KAZN: variants seen among roughly 807,000 people sequenced by gnomAD.
KAZN encodes kazrin, periplakin interacting protein.
A neutral mutation model predicts 87.4 loss-of-function variants in KAZN; 40 were observed. The observed-to-expected ratio is 0.46, with a 90% CI of 0.36 to 0.60. KAZN has a LOEUF of 0.60. KAZN is among the 20% of genes least tolerant of loss of function. KAZN has a pLI of 0.00. For synonymous variants in KAZN, 466 were observed against 458.3 expected (o/e 1.02, Z -0.22); for missense variants, 898 against 1,073.9 (o/e 0.84, Z 2.29).
intron 1 of KAZN, among the ~76,000 whole-genome samples, chr1:14,132,734 T>G (rs1247883106): frequency 2.0e-5 from 3 of 152,126 alleles, no homozygotes; most frequent in South Asian, 2.1e-4. Context: ...GAATTAACAA[T>G]ATGTTTCCCC....
intron 2 of KAZN, among the ~76,000 whole-genome samples, chr1:14,524,545 T>A (rs1671766262): frequency 6.6e-6 from 1 of 152,204 alleles, no homozygotes; most frequent in South Asian, 2.1e-4. Flanking sequence ...ATTGATTTTT[T>A]AAAAATAAAC....
intron 1 of KAZN, among the ~76,000 whole-genome samples, chr1:14,119,816 T>C (rs544492328): frequency 1.3e-3 from 204 of 152,232 alleles, no homozygotes; most frequent in African/African-American, 4.6e-3. Flanking sequence ...CTGTACTAAG[T>C]TGGTTACTGG....
chr1:14,643,193 G>A (rs1680538647), intron 1 of KAZN, among the ~76,000 whole-genome samples: 1 of 152,124 alleles, frequency 6.6e-6, no homozygotes, highest in Admixed American at 6.5e-5. Context: ...AGGTTCAGAG[G>A]TACATGTGAA....
chr1:14,503,349 T>G (rs1003152081), intron 2 of KAZN, among the ~76,000 whole-genome samples: 1 of 151,102 alleles, frequency 6.6e-6, no homozygotes, highest in African/African-American at 2.4e-5. Flanking sequence ...CCGGGCGTGG[T>G]GGCGGGTGCC....
intron 2 of KAZN, among the ~76,000 whole-genome samples, chr1:14,194,013 G>A (rs2100373734): frequency 6.6e-6 from 1 of 152,148 alleles, no homozygotes; most frequent in Admixed American, 6.5e-5. Context: ...CTGGCTTATG[G>A]CTTTCTTTTC....
chr1:14,028,341 C>T (rs1418220333), intron 1 of KAZN, among the ~76,000 whole-genome samples: 1 of 152,172 alleles, frequency 6.6e-6, no homozygotes, highest in Admixed American at 6.5e-5. Context: ...TGACAGAAAC[C>T]TGCTCATATT....
intron 1 of KAZN, among the ~76,000 whole-genome samples, chr1:13,938,815 C>T (rs1290766813): frequency 6.6e-6 from 1 of 152,254 alleles, no homozygotes; most frequent in Non-Finnish European, 1.5e-5. Flanking sequence ...TGTGTGCCTG[C>T]AGGCTTAACA....
chr1:13,893,071 G>C (rs912439830), exon 1 of KAZN: 1 of 151,944 alleles, frequency 6.6e-6, no homozygotes, highest in African/African-American at 2.4e-5. Flanking sequence ...CGCCTGGCGC[G>C]TGCAGGACCT....
chr1:14,001,900 A>T (rs1327861466), intron 1 of KAZN, among the ~76,000 whole-genome samples: 1 of 152,220 alleles, frequency 6.6e-6, no homozygotes, highest in African/African-American at 2.4e-5. Context: ...TAAAATCCCT[A>T]AAAGAAAACC....
chr1:14,182,966 A>C (rs1026401324), intron 2 of KAZN, among the ~76,000 whole-genome samples: 1 of 152,080 alleles, frequency 6.6e-6, no homozygotes, highest in African/African-American at 2.4e-5. Context: ...ACATCCTTGA[A>C]CTTGGTTGGT....
At chr1:14,716,164 T>A (rs901936222) in intron 1 of KAZN, among the ~76,000 whole-genome samples, 2 of 152,202 alleles carry the variant, frequency 1.3e-5, no homozygotes, top group African/African-American at 4.8e-5. Context: ...TGTGTATGTA[T>A]GTACACGTGT....
At chr1:14,799,255 A>T (rs928692980) in intron 1 of KAZN, among the ~76,000 whole-genome samples, 1 of 152,188 alleles carries the variant, frequency 6.6e-6, no homozygotes, top group Admixed American at 6.5e-5. Flanking sequence ...TTCAGAATGG[A>T]TGCGCAATGA....
chr1:14,915,320 C>A (rs1210331823), intron 1 of KAZN, among the ~76,000 whole-genome samples: 1 of 152,224 alleles, frequency 6.6e-6, no homozygotes, highest in Non-Finnish European at 1.5e-5. Flanking sequence ...AGTAAGGAGT[C>A]TCCAGCAGAG....
In KAZN at chr1:15,065,611, G is replaced by A. The variant is rs1462622875; in HGVS notation, c.1099-19G>A. The A allele has an allele frequency of 5.7e-6, 9 of 1,590,114 alleles. No homozygotes were observed. The highest frequency in any genetic ancestry group is 2.3e-5 in the East Asian group (1 of 44,264). On this transcript the variant is annotated intron_variant, in intron 7 of 14. Coordinates refer to ENST00000376030, the MANE Select transcript of KAZN (RefSeq NM_201628.3). ...CTTCTTCTCCCCCACCCTCTTCCAC[G>A]TGGCTCCTGACTCCTCAGTCACTAG...
At chr1:14,605,440 G>A (rs935498312) in intron 1 of KAZN, among the ~76,000 whole-genome samples, 6 of 152,034 alleles carry the variant, frequency 3.9e-5, no homozygotes, top group Admixed American at 1.3e-4. Flanking sequence ...ACTATTGACC[G>A]GAAGCCTTAT....
chr1:15,041,332 T>C (rs1390512554), intron 3 of KAZN, among the ~76,000 whole-genome samples: 1 of 35,760 alleles, frequency 2.8e-5, no homozygotes, highest in Non-Finnish European at 5.1e-5. Flanking sequence ...ATTTTTTTTC[T>C]TTTTTTTTTT....
chr1:14,443,650 T>C (rs189757088), intron 2 of KAZN, among the ~76,000 whole-genome samples: 1 of 152,270 alleles, frequency 6.6e-6, no homozygotes, highest in Admixed American at 6.5e-5. Flanking sequence ...GAGGAGAGCA[T>C]GTTTTCTTAA....
At chr1:14,345,080 G>A (rs1658014414) in intron 2 of KAZN, among the ~76,000 whole-genome samples, 2 of 152,022 alleles carry the variant, frequency 1.3e-5, no homozygotes, top group African/African-American at 4.8e-5. Context: ...TACCACACCT[G>A]GCTAATTTTT....
chr1:15,082,607 A>T (rs1256654629), intron 8 of KAZN, among the ~76,000 whole-genome samples: 2 of 152,228 alleles, frequency 1.3e-5, no homozygotes, highest in Non-Finnish European at 2.9e-5. Context: ...AGGATGAAGA[A>T]TTCCACCTCC....
Sources: gnomAD v4.1 joint callset for allele counts (sites outside exome capture counted in the v4.1 genomes callset) on GRCh38, gnomAD v4.1.1 for gene constraint, MANE v1.5 for transcripts, NCBI Gene and HGNC (gene_info 2026-07-23, HGNC 2026-07-21) for gene names.